The following VKORC1 variants were observed in gnomAD, a reference collection of about 807,000 sequenced individuals.
VKORC1 encodes the protein vitamin K epoxide reductase complex subunit 1.
Under a neutral mutation model 14.8 loss-of-function variants are expected in VKORC1, and 12 were observed. The ratio of observed to expected loss-of-function variants is 0.81; its 90% CI spans 0.52 to 1.31. The LOEUF is 1.31. VKORC1 is among the 50% of genes most tolerant of loss of function. The probability of loss-of-function intolerance (pLI) is 0.00; values close to 1 mark genes in which losing one functional copy is unlikely to be tolerated. For synonymous variants in VKORC1, 94 were observed against 92.5 expected, an observed-to-expected ratio of 1.02 and a Z score of -0.09; for missense variants, 223 against 215.3, an observed-to-expected ratio of 1.04 and a Z score of -0.22.
intron 2 of VKORC1, chr16:31,092,712 G>A: frequency 7.9e-7 from 1 of 1,264,120 alleles, no homozygotes. Context: ...CTCATGCTCA[G>A]CTTCTCCTTA....
chr16:31,093,511 C>T, intron 1 of VKORC1, 90 bp from the exon 2 acceptor site: 1 of 1,593,748 alleles, frequency 6.3e-7, no homozygotes, highest in Non-Finnish European at 8.6e-7. Flanking sequence ...TTCCAAGAAG[C>T]CACCTGGGCT....
chr16:31,091,212 G>A lies in VKORC1; in HGVS notation c.414C>T (p.Thr138=). ...ACATCAGGCTCACGTTGATAGCATA[G>A]GTGGTGATACAAACAATGCAGAAAT... ...LYDFCIVCIT[T]YAINVSLMWL... is the part of the protein sequence containing the mutation. The change falls in exon 3 of 3, where the codon ACC becomes ACT. Residue 138 remains threonine (T), a synonymous_variant. Coordinates refer to ENST00000394975, the MANE Select transcript of VKORC1 (RefSeq NM_024006.6). 4 of 1,614,194 alleles carry A rather than the reference G, an allele frequency of 2.5e-6. No homozygotes were observed. The highest frequency in any genetic ancestry group is 3.4e-6 in the Non-Finnish European group (4 of 1,180,050).
At position 31,094,704 on chromosome 16, in the gene VKORC1, C is replaced by A; in HGVS notation, c.26G>T (p.Gly9Val). MGSTWGSPGWVRLALCLTG... is the reference protein window; with the variant it reads MGSTWGSPVWVRLALCLTG... ...CAGGCAAAGAGCGAGCCGCACCCAG[C>A]CAGGGCTCCCCCAGGTGCTGCCCAT... Residue 9 changes from glycine to valine, a missense_variant, in exon 1 of 3, where the codon GGC becomes GTC. Physicochemically the swap from Gly to Val is moderately radical, Grantham distance 109. Transcript: ENST00000394975. 6.2e-7 allele frequency: 1 copy of A among 1,608,036 alleles called. No homozygotes were observed. Among genetic ancestry groups the A allele is most frequent in the Non-Finnish European group, 8.5e-7 (1 of 1,178,810 alleles).
At chr16:31,093,693 A>G in intron 1 of VKORC1, 1 of 198,734 alleles carries the variant, frequency 5.0e-6, no homozygotes, top group Non-Finnish European at 9.5e-6. Flanking sequence ...GACCTTAAGT[A>G]AGTCTCTTTT....
In VKORC1 at chr16:31,094,598, G is replaced by A; in HGVS notation, c.132C>T (p.Asp44=). The change falls in exon 1 of 3, where the codon GAC becomes GAT. Residue 44 remains aspartate (D), a synonymous_variant. Transcript: ENST00000394975. ...ARDRDYRALC[D]VGTAISCSRV... is the part of the protein sequence containing the mutation. ...GCGAACAGCTGATGGCGGTGCCCAC[G>A]TCGCAGAGCGCGCGGTAATCCCGGT... 6.2e-7 allele frequency: 1 copy of A among 1,609,134 alleles called. No homozygotes were observed. The highest frequency in any genetic ancestry group is 8.5e-7 in the Non-Finnish European group (1 of 1,178,836).
rs778108098 is a variant in VKORC1 at position 31,091,355 on chromosome 16, A to C, written c.284-13T>G. ...GTCCGCAGGCAACCTGCAAGGCAGA[A>C]GAGGGTCCGGTGTGGGCTTCAGGCA... is the stretch of plus-strand genomic sequence containing the variant. On this transcript the variant is annotated splice_polypyrimidine_tract_variant and intron_variant, in intron 2 of 2. Transcript: ENST00000394975. The C allele has an allele frequency of 3.7e-6, 6 of 1,610,644 alleles. No individual in the cohort carries two copies. The highest frequency in any genetic ancestry group is 4.2e-6 in the Non-Finnish European group (5 of 1,178,536).
chr16:31,094,691 G>A lies in VKORC1; in HGVS notation c.39C>T (p.Leu13=), dbSNP rs1378716618. The change falls in exon 1 of 3, where the codon CTC becomes CTT. Residue 13 remains leucine, a synonymous_variant. Transcript: ENST00000394975. Reference sequence around the variant, plus strand: ...GCACTAAGCCCGTCAGGCAAAGAGCGAGCCGCACCCAGCCAGGGCTCCCCC... The same window carrying A: ...GCACTAAGCCCGTCAGGCAAAGAGCAAGCCGCACCCAGCCAGGGCTCCCCC... The part of the protein sequence containing the change: ...STWGSPGWVR[L]ALCLTGLVLS... 13 of 1,608,562 alleles carry A rather than the reference G, an allele frequency of 8.1e-6. No individual in the cohort carries two copies. Among genetic ancestry groups the A allele is most frequent in the Non-Finnish European group, 1.0e-5 (12 of 1,179,046 alleles).
intron 1 of VKORC1, chr16:31,094,267 C>T: frequency 6.2e-7 from 1 of 1,612,828 alleles, no homozygotes; most frequent in Non-Finnish European, 8.5e-7. Flanking sequence ...TCGTCAATCT[C>T]TACCGCCATC....
At chr16:31,094,382 C>T in intron 1 of VKORC1, 175 bp downstream of exon 1, 2 of 1,612,972 alleles carry the variant, frequency 1.2e-6, no homozygotes, top group Non-Finnish European at 1.7e-6. Flanking sequence ...CCTTGCCTCG[C>T]ACTCTTATTT....
intron 1 of VKORC1, 70 bp downstream of exon 1, chr16:31,094,487 C>A: frequency 6.2e-7 from 1 of 1,612,914 alleles, no homozygotes; most frequent in Non-Finnish European, 8.5e-7. Flanking sequence ...CGATCCCAGA[C>A]TCCAGAATAA....
rs1167404741 is a variant in VKORC1 at position 31,091,047 on chromosome 16, C to T, written c.*87G>A. Reference sequence around the variant, plus strand: ...TAATCTAGAAGCCCCACATCTAGGGCCTTCTAGGGACCCAGATATGCCCCC... The same window carrying T: ...TAATCTAGAAGCCCCACATCTAGGGTCTTCTAGGGACCCAGATATGCCCCC... On this transcript the variant is annotated 3_prime_UTR_variant, in exon 3 of 3. Coordinates refer to ENST00000394975, the MANE Select transcript of VKORC1 (RefSeq NM_024006.6). 6.4e-7 allele frequency: 1 copy of T among 1,558,434 alleles called. No individual in the cohort carries two copies. Among genetic ancestry groups the T allele is most frequent in the African/African-American group, 1.4e-5 (1 of 73,706 alleles).
chr16:31,094,507 A>G, intron 1 of VKORC1, 50 bp downstream of exon 1: 1 of 1,612,744 alleles, frequency 6.2e-7, no homozygotes, highest in Non-Finnish European at 8.5e-7. Context: ...ATCATCTGGC[A>G]TCCTGGCCGC....
At position 31,091,070 on chromosome 16, in the gene VKORC1, C is replaced by T; in HGVS notation, c.*64G>A. On this transcript the variant is annotated 3_prime_UTR_variant, in exon 3 of 3. Coordinates refer to ENST00000394975, the MANE Select transcript of VKORC1 (RefSeq NM_024006.6). ...GGCCTTCTAGGGACCCAGATATGCC[C>T]CCTTAGGCAAGGCTCACATGCCAAA... 6.3e-7 allele frequency: 1 copy of T among 1,593,306 alleles called. No individual in the cohort carries two copies. The highest frequency in any genetic ancestry group is 8.5e-7 in the Non-Finnish European group (1 of 1,170,426).
Position 31,094,786 on chromosome 16 carries a change from C to A in VKORC1, c.-57G>T. ...AGAAAACCAGCCACGGAGCAGGGGC[C>A]GGGCGGCGAATGGCCGCGCCCCTCC... On this transcript the variant is annotated 5_prime_UTR_variant, in exon 1 of 3. Coordinates refer to ENST00000394975, the MANE Select transcript of VKORC1 (RefSeq NM_024006.6). 1 of 1,547,866 alleles carries A rather than the reference C, an allele frequency of 6.5e-7. No homozygotes were observed. Among genetic ancestry groups the A allele is most frequent in the Non-Finnish European group, 8.7e-7 (1 of 1,152,030 alleles).
At chr16:31,093,783 T>C (rs2057307999) in intron 1 of VKORC1, 2 of 247,214 alleles carry the variant, frequency 8.1e-6, no homozygotes, top group Admixed American at 6.3e-5. Context: ...CTCGGCTCAC[T>C]GAAACCTCCG....
At chr16:31,091,684 C>T (rs998849906) in intron 2 of VKORC1, among the ~76,000 whole-genome samples, 4 of 152,112 alleles carry the variant, frequency 2.6e-5, no homozygotes, top group South Asian at 2.1e-4. Context: ...GTTAGGAGTT[C>T]GAGAGCAGCC....
Position 31,090,980 on chromosome 16 carries a change from A to G in VKORC1, c.*154T>C, listed in dbSNP as rs2057284411. 1.6e-6 allele frequency: 2 copies of G among 1,283,094 alleles called. No homozygotes were observed. The highest frequency in any genetic ancestry group is 1.1e-6 in the Non-Finnish European group (1 of 927,860). The allele number at this position is 1,283,094 out of a possible 1,614,324, so 79.5% of individuals were successfully genotyped here. On this transcript the variant is annotated 3_prime_UTR_variant, in exon 3 of 3. Transcript: ENST00000394975. ...GTAAAAAAGAGCGAGCGTGTGGCAC[A>G]TTTGGTCCATTGTCATGTGCGGGTA... is the stretch of plus-strand genomic sequence containing the variant.
chr16:31,094,303 C>A (rs1389700243), intron 1 of VKORC1: 1 of 1,612,938 alleles, frequency 6.2e-7, no homozygotes, highest in South Asian at 1.1e-5. Context: ...TCCTGGTCAC[C>A]GTTATTCCTT....
intron 1 of VKORC1, chr16:31,093,951 G>A (rs1313525949): frequency 1.6e-5 from 7 of 437,008 alleles, no homozygotes; most frequent in African/African-American, 4.0e-5. Context: ...TGATCCATCC[G>A]CCTCGGCCTC....
Sources: allele counts gnomAD v4.1 joint callset (sites outside exome capture counted in the v4.1 genomes callset), GRCh38; gene constraint gnomAD v4.1.1; transcripts MANE v1.5; gene names NCBI Gene and HGNC (gene_info 2026-07-23, HGNC 2026-07-21).